BCL2L12: variants seen among roughly 807,000 people sequenced by gnomAD.
BCL2L12 encodes the protein BCL2 like 12.
Under a neutral mutation model 25.7 loss-of-function variants are expected in BCL2L12, and 27 were observed. The ratio of observed to expected loss-of-function variants is 1.05; its 90% CI spans 0.78 to 1.45. BCL2L12 has a LOEUF of 1.45. Among genes scored for constraint, BCL2L12 ranks in the 40% most tolerant of loss-of-function variants. BCL2L12 has a pLI of 0.00. For missense variants in BCL2L12, 302 were observed against 329.8 expected, an observed-to-expected ratio of 0.92 and a Z score of 0.65; for synonymous variants, 132 against 145.6, an observed-to-expected ratio of 0.91 and a Z score of 0.67.
intron 6 of BCL2L12, among the ~76,000 whole-genome samples, chr19:49,673,011 C>CACATGCCATGTGCTGGGACTAGAG (rs1450275614): frequency 2.0e-5 from 3 of 152,156 alleles, no homozygotes; most frequent in Admixed American, 1.3e-4. Context: ...GGGTTACAGG[C>CACATGCCATGTGCTGGGACTAGAG]GCACACCACC....
chr19:49,673,011 C>A (rs1431904440), intron 6 of BCL2L12, among the ~76,000 whole-genome samples: 1 of 152,156 alleles, frequency 6.6e-6, no homozygotes, highest in African/African-American at 2.4e-5. Flanking sequence ...GGGTTACAGG[C>A]GCACACCACC....
In BCL2L12 at chr19:49,670,105, A is replaced by T. The variant is rs1599918722; in HGVS notation, c.430-111A>T. 1.0e-5 allele frequency: 14 copies of T among 1,392,930 alleles called. No homozygotes were observed. In the East Asian group the frequency reaches 3.6e-4, roughly 36 times the overall value. The allele number at this position is 1,392,930 out of a possible 1,614,324, so 86.3% of individuals were successfully genotyped here. On this transcript the variant is annotated intron_variant, in intron 5 of 6. Coordinates refer to ENST00000246784, the MANE Select transcript of BCL2L12 (RefSeq NM_138639.2). ...GGCTAATATGGATGAGGGGTGGCCT[A>T]GAACCTTAGCATCTAGAACGATCCT...
chr19:49,667,057 G>T lies in BCL2L12; in HGVS notation c.146G>T (p.Arg49Leu). ...AQEEPTDFLS[R>L]LRRCLPCSLG... is the part of the protein sequence containing the mutation. ...GAAGAGCCAACAGACTTCCTGAGCC[G>T]CCTTCGAAGATGTCTTCCCTGCTCC... Residue 49 changes from arginine to leucine, a missense_variant, in exon 3 of 7, where the codon CGC (arginine) becomes CTC (leucine). Arg to Leu is a moderately radical substitution (Grantham distance 102). Transcript: ENST00000246784. 6.2e-7 allele frequency: 1 copy of T among 1,613,644 alleles called. No homozygotes were observed. Among genetic ancestry groups the T allele is most frequent in the Non-Finnish European group, 8.5e-7 (1 of 1,179,932 alleles).
chr19:49,671,589 G>C (rs1182722384), intron 6 of BCL2L12, among the ~76,000 whole-genome samples: 2 of 152,202 alleles, frequency 1.3e-5, no homozygotes, highest in Non-Finnish European at 2.9e-5. Context: ...GGTGAGCTAT[G>C]ATTGCGCCAC....
At chr19:49,671,079 T>C (rs2122866519) in intron 6 of BCL2L12, among the ~76,000 whole-genome samples, 1 of 152,266 alleles carries the variant, frequency 6.6e-6, no homozygotes, top group African/African-American at 2.4e-5. Context: ...TGAGAATCGC[T>C]TGAACCTGGG....
In BCL2L12 at chr19:49,670,503, CCT is replaced by C. The variant is rs989996600; in HGVS notation, c.702+23_702+24del. The C allele has an allele frequency of 3.3e-6, 5 of 1,536,508 alleles. No individual in the cohort carries two copies. The South Asian group carries it at 3.6e-5, about 11-fold the overall frequency. ...ACGGGGGCTGGGTGAGCCGCTGAAGCCTCTCTCTCCGGGCCTCACTTTACCTA... is the reference window on the plus strand; with the variant it reads ...ACGGGGGCTGGGTGAGCCGCTGAAGCCTCTCTCCGGGCCTCACTTTACCTA... On this transcript the variant is annotated intron_variant, in intron 6 of 6. Transcript: ENST00000246784.
chr19:49,670,250 T>C lies in BCL2L12; in HGVS notation c.464T>C (p.Val155Ala). 1 of 1,609,398 alleles carries C rather than the reference T, an allele frequency of 6.2e-7. No homozygotes were observed. The highest frequency in any genetic ancestry group is 8.5e-7 in the Non-Finnish European group (1 of 1,179,600). ...GACCCCGCCCTGCGCAGCAAGCTGG[T>C]CCGCCTGTCCTCCGACTCTTTCGCC... ...ASDPALRSKL[V>A]RLSSDSFARL... is the part of the protein sequence containing the mutation. The change falls in exon 6 of 7, where the codon GTC (valine) becomes GCC (alanine). Residue 155 changes from valine (V) to alanine (A), a missense_variant. Physicochemically the swap from Val to Ala is moderately conservative, Grantham distance 64. Transcript: ENST00000246784.
In BCL2L12 at chr19:49,666,056, G is replaced by A. The variant is rs747793415; in HGVS notation, c.-20G>A. On this transcript the variant is annotated 5_prime_UTR_variant, in exon 1 of 7. Coordinates refer to ENST00000246784, the MANE Select transcript of BCL2L12 (RefSeq NM_138639.2). ...GTTGAGTGGAGGAGGCGGCGGTGGGGCCCCGGACCAGGTCAGCGGGGTGTT... is the reference window on the plus strand; with the variant it reads ...GTTGAGTGGAGGAGGCGGCGGTGGGACCCCGGACCAGGTCAGCGGGGTGTT... 1.3e-6 allele frequency: 2 copies of A among 1,553,232 alleles called. No individual in the cohort carries two copies. Among genetic ancestry groups the A allele is most frequent in the South Asian group, 1.2e-5 (1 of 85,400 alleles).
intron 6 of BCL2L12, among the ~76,000 whole-genome samples, chr19:49,671,307 A>T (rs2081957410): frequency 6.7e-6 from 1 of 149,230 alleles, no homozygotes. Flanking sequence ...TAAAAATACA[A>T]AATTAGCCCG....
Position 49,673,725 on chromosome 19 carries a change from G to T in BCL2L12, c.730G>T (p.Asp244Tyr), listed in dbSNP as rs1373080141. 6.2e-7 allele frequency: 1 copy of T among 1,614,102 alleles called. No homozygotes were observed. The change falls in exon 7 of 7, where the codon GAC (aspartate) becomes TAC (tyrosine). Residue 244 changes from aspartate (D) to tyrosine (Y), a missense_variant. Coordinates refer to ENST00000246784, the MANE Select transcript of BCL2L12 (RefSeq NM_138639.2). ...WEGILAVSPV[D>Y]LNLPLD ...GGGCATCCTGGCTGTTTCACCCGTG[G>T]ACTTGAACTTGCCATTGGACTGAGC...
Position 49,667,117 on chromosome 19 carries a change from G to A in BCL2L12, c.206G>A (p.Arg69Gln), listed in dbSNP as rs148704394. The A allele has an allele frequency of 6.3e-5, 102 of 1,614,058 alleles. 2 individuals are homozygous for A. In the Middle Eastern group the frequency reaches 6.6e-4, roughly 10 times the overall value. The change falls in exon 3 of 7, where the codon CGG (arginine) becomes CAG (glutamine). Residue 69 changes from arginine (R) to glutamine (Q), a missense_variant. Transcript: ENST00000246784. Reference protein sequence around the residue: ...GRGAAPSESPRPCSLPIRPCY... With the variant: ...GRGAAPSESPQPCSLPIRPCY... Reference sequence around the variant, plus strand: ...GGAGCAGCCCCCTCTGAGTCCCCTCGGCCTTGCTCTCTGCCCATCCGCCCC... The same window carrying A: ...GGAGCAGCCCCCTCTGAGTCCCCTCAGCCTTGCTCTCTGCCCATCCGCCCC...
At chr19:49,669,872 T>G (rs1206378125) in intron 5 of BCL2L12, among the ~76,000 whole-genome samples, 2 of 152,038 alleles carry the variant, frequency 1.3e-5, no homozygotes, top group Non-Finnish European at 2.9e-5. Context: ...TCCTTTAATA[T>G]TAATTGAATG....
At position 49,665,956 on chromosome 19, in the gene BCL2L12, C is replaced by G; in HGVS notation, c.-120C>G. The stretch of plus-strand genomic sequence containing the variant: ...GCCCTTTCTACGCTGGGCCGGTTAT[C>G]GACCCGGCCCAGTGCGCAGGCGCGG... On this transcript the variant is annotated 5_prime_UTR_variant, in exon 1 of 7. In the 5' UTR this introduces an upstream ATG that the reference lacks. Transcript: ENST00000246784. The G allele has an allele frequency of 6.2e-7, 1 of 1,613,512 alleles. No individual in the cohort carries two copies. The highest frequency in any genetic ancestry group is 1.1e-5 in the South Asian group (1 of 91,038).
chr19:49,666,951 G>A, intron 2 of BCL2L12, 68 bp from the exon 3 acceptor site: 1 of 1,573,486 alleles, frequency 6.4e-7, no homozygotes, highest in Non-Finnish European at 8.6e-7. Context: ...GGGAGGGAGG[G>A]AGTTGGGGAA....
At position 49,670,272 on chromosome 19, in the gene BCL2L12, C is replaced by A. The variant is rs545979323; in HGVS notation, c.486C>A (p.Phe162Leu). Residue 162 changes from phenylalanine to leucine, a missense_variant, in exon 6 of 7, where the codon TTC becomes TTA. Physicochemically the swap from Phe to Leu is conservative, Grantham distance 22. Coordinates refer to ENST00000246784, the MANE Select transcript of BCL2L12 (RefSeq NM_138639.2). ...SKLVRLSSDSFARLVELFCSR... is the reference protein window; with the variant it reads ...SKLVRLSSDSLARLVELFCSR... The stretch of plus-strand genomic sequence containing the variant: ...TGGTCCGCCTGTCCTCCGACTCTTT[C>A]GCCCGCCTGGTGGAGCTGTTCTGTA... 2.5e-6 allele frequency: 4 copies of A among 1,610,798 alleles called. No individual in the cohort carries two copies. In the South Asian group the frequency reaches 4.4e-5, roughly 18 times the overall value.
chr19:49,670,361 C>G lies in BCL2L12; in HGVS notation c.575C>G (p.Pro192Arg). The G allele has an allele frequency of 6.3e-7, 1 of 1,588,186 alleles. No individual in the cohort carries two copies. The highest frequency in any genetic ancestry group is 8.6e-7 in the Non-Finnish European group (1 of 1,169,208). Reference protein sequence around the residue: ...CPGPPPPSPEPLARLALAMEL... With the variant: ...CPGPPPPSPERLARLALAMEL... ...GGGCCCCCGCCTCCTTCCCCGGAGCCCCTGGCCCGCCTGGCCCTAGCCATG... is the reference window on the plus strand; with the variant it reads ...GGGCCCCCGCCTCCTTCCCCGGAGCGCCTGGCCCGCCTGGCCCTAGCCATG... Residue 192 changes from proline (P) to arginine (R), a missense_variant, in exon 6 of 7, where the codon CCC (proline) becomes CGC (arginine). By Grantham distance (103) the Pro-to-Arg change is moderately radical. Coordinates refer to ENST00000246784, the MANE Select transcript of BCL2L12 (RefSeq NM_138639.2).
chr19:49,666,874 C>T (rs1009292815), intron 2 of BCL2L12, 75 bp downstream of exon 2: 7 of 1,516,226 alleles, frequency 4.6e-6, no homozygotes, highest in Non-Finnish European at 6.3e-6. Context: ...TGGTCTCAGT[C>T]TGTCTCCTCT....
At chr19:49,673,621 A>T (rs2082004529) in intron 6 of BCL2L12, 77 bp from the exon 7 acceptor site, 3 of 1,235,942 alleles carry the variant, frequency 2.4e-6, no homozygotes, top group African/African-American at 3.0e-5. Context: ...CTCTAATCTC[A>T]CAGGGCTGAT....
chr19:49,669,424 T>C (rs1327692397), intron 5 of BCL2L12, among the ~76,000 whole-genome samples: 5 of 151,590 alleles, frequency 3.3e-5, no homozygotes, highest in Non-Finnish European at 7.4e-5. Context: ...TAATCCCAGC[T>C]ACTCAGAAGG....
Sources: allele counts gnomAD v4.1 joint callset (sites outside exome capture counted in the v4.1 genomes callset), GRCh38; gene constraint gnomAD v4.1.1; transcripts MANE v1.5; gene names NCBI Gene and HGNC (gene_info 2026-07-23, HGNC 2026-07-21).